Variants in OR10Z1 observed in about 807,000 individuals in gnomAD.
The protein encoded by OR10Z1 is olfactory receptor family 10 subfamily Z member 1.
For synonymous variants in OR10Z1, 187 were observed against 151.2 expected (o/e 1.24, Z -1.74); for missense variants, 468 against 371.0 (o/e 1.26, Z -2.15).
In OR10Z1 at chr1:158,611,006, C is replaced by T. The variant is rs1266742873; in HGVS notation, c.*3626C>T. 2.4e-6 allele frequency: 1 copy of T among 416,270 alleles called. No individual in the cohort carries two copies. The allele number at this position is 416,270 out of a possible 1,614,324, so 25.8% of individuals were successfully genotyped here. ...ACAAATAAAAATAGAAACTTTGACA[C>T]CCCTCAGCAGTGACTAGTTGCATAC... On this transcript the variant is annotated 3_prime_UTR_variant, in exon 2 of 2. Coordinates refer to ENST00000641002, the MANE Select transcript of OR10Z1 (RefSeq NM_001004478.2).
rs1398060042 is a variant in OR10Z1 at position 158,612,424 on chromosome 1, T to C, written c.*5044T>C. 1 of 277,938 alleles carries C rather than the reference T, an allele frequency of 3.6e-6. No individual in the cohort carries two copies. Among genetic ancestry groups the C allele is most frequent in the Admixed American group, 5.0e-5 (1 of 20,130 alleles). 17.2% of individuals were successfully genotyped at this position (277,938 alleles called of 1,614,324 possible). A position where few individuals can be genotyped will look rare whatever the true frequency, so the allele number is the denominator to read the frequency against. ...CCATGACAGATGTGTTTGCTTCTGTTACAGTGTTTTTAACTTGTAAAGTTC... is the reference window on the plus strand; with the variant it reads ...CCATGACAGATGTGTTTGCTTCTGTCACAGTGTTTTTAACTTGTAAAGTTC... On this transcript the variant is annotated 3_prime_UTR_variant, in exon 2 of 2. Transcript: ENST00000641002.
rs1005976477 is a variant in OR10Z1, at chr1:158,607,544, G to A, written c.*164G>A. 4 of 571,996 alleles carry A rather than the reference G, an allele frequency of 7.0e-6. No individual in the cohort carries two copies. Among genetic ancestry groups the A allele is most frequent in the African/African-American group, 1.9e-5 (1 of 53,664 alleles). The allele number at this position is 571,996 out of a possible 1,614,324, so 35.4% of individuals were successfully genotyped here. A position where few individuals can be genotyped will look rare whatever the true frequency, so the allele number is the denominator to read the frequency against. ...GCCCTTCCCCCTGACTGCTTGGAAT[G>A]CAGAGGCGGGGCTTCCTGCTCTGCT... On this transcript the variant is annotated 3_prime_UTR_variant, in exon 2 of 2. Transcript: ENST00000641002.
Position 158,611,804 on chromosome 1 carries a change from A to G in OR10Z1, c.*4424A>G. The G allele has an allele frequency of 5.2e-6, 1 of 192,992 alleles. No homozygotes were observed. The highest frequency in any genetic ancestry group is 1.1e-5 in the Non-Finnish European group (1 of 94,460). 12.0% of individuals were successfully genotyped at this position (192,992 alleles called of 1,614,324 possible). On this transcript the variant is annotated 3_prime_UTR_variant, in exon 2 of 2. Transcript: ENST00000641002. ...AACTCACCAGTGGTTACACTGCCAG[A>G]AAGTGGTAGAGCTGGGACTTGAACC...
chr1:158,605,624 T>A (rs1473926421), intron 1 of OR10Z1, among the ~76,000 whole-genome samples: 1 of 152,194 alleles, frequency 6.6e-6, no homozygotes, highest in Non-Finnish European at 1.5e-5. Flanking sequence ...GTTGTATAGA[T>A]AAAGTGATTA....
chr1:158,607,876 T>TTAAA lies in OR10Z1; in HGVS notation c.*497_*498insAAAT, dbSNP rs1649100907. 1 of 152,780 alleles carries TTAAA rather than the reference T, an allele frequency of 6.5e-6. No individual in the cohort carries two copies. Among genetic ancestry groups the TTAAA allele is most frequent in the African/African-American group, 2.4e-5 (1 of 41,470 alleles). The allele number at this position is 152,780 out of a possible 1,614,324, so 9.5% of individuals were successfully genotyped here. A position where few individuals can be genotyped will look rare whatever the true frequency, so the allele number is the denominator to read the frequency against. ...CAGCTTGACAGGTTAGTTTAAAGCT[T>TTAAA]TGTTAAATGAACAGGTGGGTCATTT... On this transcript the variant is annotated 3_prime_UTR_variant, in exon 2 of 2. Coordinates refer to ENST00000641002, the MANE Select transcript of OR10Z1 (RefSeq NM_001004478.2).
chr1:158,606,568 T>C lies in OR10Z1; in HGVS notation c.130T>C (p.Phe44Leu), dbSNP rs1557912772. 2 of 1,614,014 alleles carry C rather than the reference T, an allele frequency of 1.2e-6. No homozygotes were observed. Among genetic ancestry groups the C allele is most frequent in the South Asian group, 2.2e-5 (2 of 91,080 alleles). ...TCTAGTCACTCTGACCAGCAATGTCTTCATTATCATAGCCATCAGGCTGGA... is the reference window on the plus strand; with the variant it reads ...TCTAGTCACTCTGACCAGCAATGTCCTCATTATCATAGCCATCAGGCTGGA... ...LYLVTLTSNV[F>L]IIIAIRLDSH... Residue 44 changes from phenylalanine (F) to leucine (L), a missense_variant, in exon 2 of 2, where the codon TTC becomes CTC. By Grantham distance (22) the Phe-to-Leu change is conservative. Transcript: ENST00000641002.
chr1:158,607,001 C>A lies in OR10Z1; in HGVS notation c.563C>A (p.Ala188Asp), dbSNP rs775797709. The A allele has an allele frequency of 5.6e-6, 9 of 1,613,946 alleles. No individual in the cohort carries two copies. The African/African-American group carries it at 1.2e-4, about 22-fold the overall frequency. The change falls in exon 2 of 2, where the codon GCC (alanine) becomes GAC (aspartate). Residue 188 changes from alanine (A) to aspartate (D), a missense_variant. Transcript: ENST00000641002. ...GACACGCCACCTGTGCTGAGCCTAGCCTGTGGAGATACAGGCCCGAGTGAG... is the reference window on the plus strand; with the variant it reads ...GACACGCCACCTGTGCTGAGCCTAGACTGTGGAGATACAGGCCCGAGTGAG... ...FCDTPPVLSLACGDTGPSELR... is the reference protein window; with the variant it reads ...FCDTPPVLSLDCGDTGPSELR...
chr1:158,611,456 C>A lies in OR10Z1; in HGVS notation c.*4076C>A. The A allele has an allele frequency of 6.3e-7, 1 of 1,580,344 alleles. No individual in the cohort carries two copies. The highest frequency in any genetic ancestry group is 8.7e-7 in the Non-Finnish European group (1 of 1,153,140). ...AAAATAGCTGGTTCCTTGGGGCTTC[C>A]CATATTACGCCATAAATGCAGGAGA... On this transcript the variant is annotated 3_prime_UTR_variant, in exon 2 of 2. Coordinates refer to ENST00000641002, the MANE Select transcript of OR10Z1 (RefSeq NM_001004478.2).
rs937462582 is a variant in OR10Z1, at chr1:158,606,507, G to C, written c.69G>C (p.Leu23Phe). ...VFLGFSSSGE[L>F]QLLLFALFLS... ...TGGGCTTCTCCAGTTCTGGGGAGTT[G>C]CAGCTCCTTCTCTTTGCCTTGTTCC... Residue 23 changes from leucine (L) to phenylalanine (F), a missense_variant, in exon 2 of 2, where the codon TTG becomes TTC. Coordinates refer to ENST00000641002, the MANE Select transcript of OR10Z1 (RefSeq NM_001004478.2). The C allele has an allele frequency of 6.2e-7, 1 of 1,613,978 alleles. No individual in the cohort carries two copies. The highest frequency in any genetic ancestry group is 8.5e-7 in the Non-Finnish European group (1 of 1,179,916).
rs1393186926 is a variant in OR10Z1 at position 158,612,088 on chromosome 1, T to C, written c.*4708T>C. The C allele has an allele frequency of 6.5e-6, 1 of 154,510 alleles. No homozygotes were observed. Among genetic ancestry groups the C allele is most frequent in the Non-Finnish European group, 1.4e-5 (1 of 69,688 alleles). The allele number at this position is 154,510 out of a possible 1,614,324, so 9.6% of individuals were successfully genotyped here. A position where few individuals can be genotyped will look rare whatever the true frequency, so the allele number is the denominator to read the frequency against. On this transcript the variant is annotated 3_prime_UTR_variant, in exon 2 of 2. Coordinates refer to ENST00000641002, the MANE Select transcript of OR10Z1 (RefSeq NM_001004478.2). ...ATACCATCATGTATGTGACCCTTTG[T>C]AATCTGGTTTCTGCTTAATTGTTTT... is the stretch of plus-strand genomic sequence containing the variant.
rs1456571246 is a variant in OR10Z1 at position 158,612,398 on chromosome 1, C to G, written c.*5018C>G. On this transcript the variant is annotated 3_prime_UTR_variant, in exon 2 of 2. Transcript: ENST00000641002. ...TAATAAAATTCCCCACATCTTTGTT[C>G]CCATGACAGATGTGTTTGCTTCTGT... The G allele has an allele frequency of 8.2e-6, 2 of 243,788 alleles. No homozygotes were observed. The highest frequency in any genetic ancestry group is 1.6e-5 in the Non-Finnish European group (2 of 123,624). 15.1% of individuals were successfully genotyped at this position (243,788 alleles called of 1,614,324 possible).
At chr1:158,606,255 C>T (rs1169464720) in intron 1 of OR10Z1, 71 bp from the exon 2 acceptor site, 12 of 594,732 alleles carry the variant, frequency 2.0e-5, no homozygotes, top group Non-Finnish European at 3.3e-5. Context: ...TGGACCCATA[C>T]ATTTGTGTCT....
chr1:158,611,307 C>A lies in OR10Z1; in HGVS notation c.*3927C>A. On this transcript the variant is annotated 3_prime_UTR_variant, in exon 2 of 2. Transcript: ENST00000641002. ...ATTGGTGAAGCCAACGTAGTCATAG[C>A]CAGAGAGATGGCTTCGACCCCGTGG... 6.2e-7 allele frequency: 1 copy of A among 1,613,812 alleles called. No homozygotes were observed. The highest frequency in any genetic ancestry group is 8.5e-7 in the Non-Finnish European group (1 of 1,179,824).
In OR10Z1 at chr1:158,607,331, A is replaced by G; in HGVS notation, c.893A>G (p.Gln298Arg). Residue 298 changes from glutamine to arginine, a missense_variant, in exon 2 of 2, where the codon CAG becomes CGG. Coordinates refer to ENST00000641002, the MANE Select transcript of OR10Z1 (RefSeq NM_001004478.2). The part of the protein sequence containing the change: ...IVYSLRNRAI[Q>R]TALRNAFRGR... ...TATAGTCTAAGGAATAGGGCTATAC[A>G]GACAGCTCTGAGGAATGCTTTCAGA... 1.2e-6 allele frequency: 2 copies of G among 1,613,790 alleles called. No homozygotes were observed. Among genetic ancestry groups the G allele is most frequent in the South Asian group, 1.1e-5 (1 of 91,046 alleles).
At chr1:158,605,696 G>A (rs1449045105) in intron 1 of OR10Z1, among the ~76,000 whole-genome samples, 6 of 152,170 alleles carry the variant, frequency 3.9e-5, no homozygotes, top group Admixed American at 2.6e-4. Context: ...AGTCTCTAAA[G>A]AGAGTCATCA....
chr1:158,610,670 G>T lies in OR10Z1; in HGVS notation c.*3290G>T, dbSNP rs946894994. The T allele has an allele frequency of 1.2e-4, 18 of 152,430 alleles. No individual in the cohort carries two copies. Among genetic ancestry groups the T allele is most frequent in the African/African-American group, 4.3e-4 (18 of 41,442 alleles). The allele number at this position is 152,430 out of a possible 1,614,324, so 9.4% of individuals were successfully genotyped here. ...GAAAACAGGTGTTATGCTGATCTGT[G>T]TGTTGTTTCATTGTACAAACTAAAA... On this transcript the variant is annotated 3_prime_UTR_variant, in exon 2 of 2. Coordinates refer to ENST00000641002, the MANE Select transcript of OR10Z1 (RefSeq NM_001004478.2).
chr1:158,605,873 CA>C (rs770869138), intron 1 of OR10Z1, among the ~76,000 whole-genome samples: 3 of 152,180 alleles, frequency 2.0e-5, no homozygotes, highest in Admixed American at 1.3e-4. Flanking sequence ...AAAGTTCTAA[CA>C]AGCAATATGG....
At position 158,607,653 on chromosome 1, in the gene OR10Z1, T is replaced by C. The variant is rs1189115287; in HGVS notation, c.*273T>C. The stretch of plus-strand genomic sequence containing the variant: ...TGCCACCCCTAGTTACTGAAACCCA[T>C]TGAGAATTAAAAATTTAATTAAGAT... On this transcript the variant is annotated 3_prime_UTR_variant, in exon 2 of 2. Coordinates refer to ENST00000641002, the MANE Select transcript of OR10Z1 (RefSeq NM_001004478.2). The C allele has an allele frequency of 2.9e-6, 1 of 343,212 alleles. No individual in the cohort carries two copies. Among genetic ancestry groups the C allele is most frequent in the South Asian group, 1.0e-4 (1 of 9,862 alleles). 21.3% of individuals were successfully genotyped at this position (343,212 alleles called of 1,614,324 possible).
Position 158,606,709 on chromosome 1 carries a change from G to T in OR10Z1, c.271G>T (p.Ala91Ser), listed in dbSNP as rs1557912857. The T allele has an allele frequency of 6.2e-7, 1 of 1,614,056 alleles. No individual in the cohort carries two copies. The highest frequency in any genetic ancestry group is 8.5e-7 in the Non-Finnish European group (1 of 1,179,978). Residue 91 changes from alanine to serine, a missense_variant, in exon 2 of 2, where the codon GCT (alanine) becomes TCT (serine). Ala to Ser is a moderately conservative substitution (Grantham distance 99, BLOSUM62 1). Coordinates refer to ENST00000641002, the MANE Select transcript of OR10Z1 (RefSeq NM_001004478.2). ...MLSGLAGGDQ[A>S]ISYVGCAAQM... ...CTCTGGCCTGGCTGGGGGGGACCAGGCTATCTCCTATGTGGGCTGTGCTGC... is the reference window on the plus strand; with the variant it reads ...CTCTGGCCTGGCTGGGGGGGACCAGTCTATCTCCTATGTGGGCTGTGCTGC...
Sources: allele counts gnomAD v4.1 joint callset (sites outside exome capture counted in the v4.1 genomes callset), GRCh38; gene constraint gnomAD v4.1.1; transcripts MANE v1.5; gene names NCBI Gene and HGNC (gene_info 2026-07-23, HGNC 2026-07-21).